Variants in DNHD1 observed in about 807,000 individuals in gnomAD.
DNHD1 encodes the protein dynein heavy chain domain-containing protein 1.
DNHD1 carries 383 observed loss-of-function variants against 458.1 expected under a neutral mutation model. That is an observed-to-expected ratio of 0.84 (90% CI 0.77 to 0.91). The LOEUF is 0.91. Ranked by LOEUF, DNHD1 falls within the 40% of genes least tolerant of loss-of-function variation. The pLI, the probability that DNHD1 is intolerant of heterozygous loss-of-function variation, is 0.00. For missense variants in DNHD1, 5,336 were observed against 5,866.1 expected (o/e 0.91, Z 2.95); for synonymous variants, 2,203 against 2,376.9 (o/e 0.93, Z 2.13).
chr11:6,521,178 A>G (rs1430599117), intron 10 of DNHD1, among the ~76,000 whole-genome samples: 1 of 152,228 alleles, frequency 6.6e-6, no homozygotes, highest in African/African-American at 2.4e-5. Flanking sequence ...CCTAACCTGA[A>G]GAATTATTTT....
At position 6,544,965 on chromosome 11, in the gene DNHD1, C is replaced by G; in HGVS notation, c.4026C>G (p.Ile1342Met). The change falls in exon 21 of 43, where the codon ATC becomes ATG. Residue 1342 changes from isoleucine to methionine, a missense_variant. Coordinates refer to ENST00000254579, the MANE Select transcript of DNHD1 (RefSeq NM_144666.3). Reference sequence around the variant, plus strand: ...GATCGGTGGAGCTGGAGGGCATCATCATGAGTCTGGAGAGCGTGCTCTATG... The same window carrying G: ...GATCGGTGGAGCTGGAGGGCATCATGATGAGTCTGGAGAGCGTGCTCTATG... ...QAGSVELEGI[I>M]MSLESVLYGV... is the part of the protein sequence containing the mutation. The G allele has an allele frequency of 6.4e-7, 1 of 1,551,752 alleles. No individual in the cohort carries two copies. The highest frequency in any genetic ancestry group is 8.7e-7 in the Non-Finnish European group (1 of 1,147,002).
At chr11:6,518,217 C>A (rs544938397) in intron 7 of DNHD1, among the ~76,000 whole-genome samples, 122 of 152,274 alleles carry the variant, frequency 8.0e-4, no homozygotes, top group African/African-American at 2.7e-3. Flanking sequence ...GATACCGCCA[C>A]GCCTGGCTAA....
chr11:6,564,681 A>C lies in DNHD1; in HGVS notation c.10633A>C (p.Thr3545Pro), dbSNP rs1023373587. 6 of 1,551,554 alleles carry C rather than the reference A, an allele frequency of 3.9e-6. No individual in the cohort carries two copies. The highest frequency in any genetic ancestry group is 2.0e-5 in the Admixed American group (1 of 50,980). ...HLAGLLLRSPTHYSSCRWPLL... is the reference protein window; with the variant it reads ...HLAGLLLRSPPHYSSCRWPLL... Reference sequence around the variant, plus strand: ...GGCAGGCTTGCTTCTGCGAAGCCCCACACACTACAGTAGTTGCCGTTGGCC... The same window carrying C: ...GGCAGGCTTGCTTCTGCGAAGCCCCCCACACTACAGTAGTTGCCGTTGGCC... The change falls in exon 32 of 43, where the codon ACA (threonine) becomes CCA (proline). Residue 3545 changes from threonine to proline, a missense_variant. By Grantham distance (38) the Thr-to-Pro change is conservative (BLOSUM62 -1). Transcript: ENST00000254579.
Position 6,533,633 on chromosome 11 carries a change from G to A in DNHD1, c.2506-48G>A, listed in dbSNP as rs1428874752. The A allele has an allele frequency of 3.3e-6, 5 of 1,504,946 alleles. No individual in the cohort carries two copies. The East Asian group carries it at 1.2e-4, about 37-fold the overall frequency. 93.2% of individuals were successfully genotyped at this position (1,504,946 alleles called of 1,614,324 possible). On this transcript the variant is annotated intron_variant, in intron 13 of 42. Transcript: ENST00000254579. ...TTCCCCTTGGGGATGGGACCAAAGA[G>A]GTACATGGGGTTGTGGGGCTGCCGG...
At chr11:6,538,889 G>C in intron 16 of DNHD1, 79 bp downstream of exon 16, 1 of 1,314,204 alleles carries the variant, frequency 7.6e-7, no homozygotes. Flanking sequence ...GTTTCCTGCT[G>C]CTCCTGCTGG....
At chr11:6,510,541 G>A (rs1232209358) in intron 6 of DNHD1, among the ~76,000 whole-genome samples, 1 of 152,148 alleles carries the variant, frequency 6.6e-6, no homozygotes. Context: ...AGAGCATAAG[G>A]GCTTGGGAGA....
chr11:6,558,380 C>T, intron 25 of DNHD1, 83 bp downstream of exon 25: 1 of 1,531,474 alleles, frequency 6.5e-7, no homozygotes, highest in Non-Finnish European at 8.8e-7. Flanking sequence ...CTGTGGGCTG[C>T]CATGAGGGCT....
intron 4 of DNHD1, among the ~76,000 whole-genome samples, chr11:6,504,949 G>GCCT (rs1852200193): frequency 6.6e-6 from 1 of 152,150 alleles, no homozygotes; most frequent in African/African-American, 2.4e-5. Flanking sequence ...TCCCACCTCA[G>GCCT]CCTCCCATGT....
Position 6,566,003 on chromosome 11 carries a change from T to TGGCCCCCC in DNHD1, c.11053+12_11053+13insGGCCCCCC. 6.6e-7 allele frequency: 1 copy of TGGCCCCCC among 1,509,020 alleles called. No individual in the cohort carries two copies. The highest frequency in any genetic ancestry group is 9.0e-7 in the Non-Finnish European group (1 of 1,110,748). The allele number at this position is 1,509,020 out of a possible 1,614,324, so 93.5% of individuals were successfully genotyped here. A position where few individuals can be genotyped will look rare whatever the true frequency, so the allele number is the denominator to read the frequency against. On this transcript the variant is annotated intron_variant, in intron 33 of 42. Transcript: ENST00000254579. ...GGCAGCTGCTTGTGGTGAGAGCTGG[T>TGGCCCCCC]CCCCACCCACCCTGGCCCCTTTTTG...
At chr11:6,529,180 C>G in intron 12 of DNHD1, 59 bp downstream of exon 12, 1 of 1,532,000 alleles carries the variant, frequency 6.5e-7, no homozygotes, top group South Asian at 1.2e-5. Flanking sequence ...ATTCACATGG[C>G]CTGCCTTGGT....
chr11:6,523,272 A>AT (rs1852639644), intron 10 of DNHD1, among the ~76,000 whole-genome samples: 1 of 152,130 alleles, frequency 6.6e-6, no homozygotes, highest in African/African-American at 2.4e-5. Flanking sequence ...GAAAACTGTG[A>AT]TTTTTGCAAG....
At chr11:6,554,063 C>T (rs1853413889) in intron 24 of DNHD1, among the ~76,000 whole-genome samples, 1 of 151,936 alleles carries the variant, frequency 6.6e-6, no homozygotes. Flanking sequence ...AGTTGGGACA[C>T]CTACACTAGT....
At chr11:6,539,751 G>A in intron 17 of DNHD1, 125 bp from the exon 18 acceptor site, 1 of 846,194 alleles carries the variant, frequency 1.2e-6, no homozygotes, top group South Asian at 1.7e-5. Context: ...CTTCATCTCT[G>A]AGACCTCCAC....
intron 10 of DNHD1, among the ~76,000 whole-genome samples, chr11:6,522,311 G>GTTTCTGCA (rs1432845874): frequency 7.2e-5 from 11 of 152,046 alleles, no homozygotes; most frequent in Non-Finnish European, 1.3e-4. Context: ...TCTGTTGATA[G>GTTTCTGCA]TTTCTTTTGC....
Position 6,563,246 on chromosome 11 carries a change from G to A in DNHD1, c.9669+115G>A, listed in dbSNP as rs1234152347. On this transcript the variant is annotated intron_variant, in intron 29 of 42. Coordinates refer to ENST00000254579, the MANE Select transcript of DNHD1 (RefSeq NM_144666.3). ...CTCATCATGGAATCTCCTGGGGGGA[G>A]GGGACAAAGGTAATAGGATGGCTTG... 5 of 1,520,754 alleles carry A rather than the reference G, an allele frequency of 3.3e-6. No homozygotes were observed. The Admixed American group carries it at 9.8e-5, about 30-fold the overall frequency. The allele number at this position is 1,520,754 out of a possible 1,614,324, so 94.2% of individuals were successfully genotyped here.
chr11:6,511,325 T>C lies in DNHD1; in HGVS notation c.1288T>C (p.Cys430Arg), dbSNP rs1589867518. ...VSWLPQELDR[C>R]YELLDLQTAL... is the part of the protein sequence containing the mutation. ...CTGGCTACCCCAGGAACTGGATCGGTGCTATGAGCTGCTGGACCTGCAGAC... is the reference window on the plus strand; with the variant it reads ...CTGGCTACCCCAGGAACTGGATCGGCGCTATGAGCTGCTGGACCTGCAGAC... Residue 430 changes from cysteine (C) to arginine (R), a missense_variant, in exon 7 of 43, where the codon TGC becomes CGC. Cys to Arg is a radical substitution (Grantham distance 180). Transcript: ENST00000254579. 2 of 1,614,220 alleles carry C rather than the reference T, an allele frequency of 1.2e-6. No individual in the cohort carries two copies. Among genetic ancestry groups the C allele is most frequent in the Admixed American group, 1.7e-5 (1 of 60,032 alleles).
At position 6,546,520 on chromosome 11, in the gene DNHD1, C is replaced by T. The variant is rs767698593; in HGVS notation, c.5581C>T (p.Leu1861=). ...TACCCGCCTATCCAAATTCTTCTCT[C>T]TAGAGCGTGAGCTGGTGTCTGGGCC... ...MATRLSKFFS[L]ERELVSGPLP... is the part of the protein sequence containing the mutation. The change falls in exon 21 of 43, where the codon CTA becomes TTA. Residue 1861 remains leucine (L), a synonymous_variant. Transcript: ENST00000254579. 24 of 1,551,374 alleles carry T rather than the reference C, an allele frequency of 1.5e-5. No individual in the cohort carries two copies. In the South Asian group the frequency reaches 2.5e-4, roughly 16 times the overall value.
At chr11:6,541,136 G>T (rs1158807149) in intron 18 of DNHD1, among the ~76,000 whole-genome samples, 31 of 152,290 alleles carry the variant, frequency 2.0e-4, no homozygotes, top group Non-Finnish European at 4.4e-5. Flanking sequence ...GACTTCCAAG[G>T]AGATTAAGAC....
At position 6,506,041 on chromosome 11, in the gene DNHD1, CAA is replaced by C. The variant is rs1852223532; in HGVS notation, c.921-2838_921-2837del. 3.9e-5 allele frequency among the ~76,000 whole-genome samples: 6 copies of C among 152,226 alleles called. 1 individual carries two copies. The South Asian group carries it at 1.2e-3, about 32-fold the overall frequency. ...ACATAAAGAGATAAGAAACTATTGA[CAA>C]GAGAACTAAAAAGGCAATGGATGAT... On this transcript the variant is annotated intron_variant, in intron 4 of 42. Transcript: ENST00000254579.
Sources: gnomAD v4.1 joint callset for allele counts (sites outside exome capture counted in the v4.1 genomes callset) on GRCh38, gnomAD v4.1.1 for gene constraint, MANE v1.5 for transcripts, NCBI Gene and HGNC (gene_info 2026-07-23, HGNC 2026-07-21) for gene names.